The following NUP210L variants were observed in gnomAD, a reference collection of about 807,000 sequenced individuals.
NUP210L encodes the protein nuclear pore membrane glycoprotein 210-like.
NUP210L carries 74 observed loss-of-function variants against 208.5 expected under a neutral mutation model. The observed-to-expected ratio is 0.35, with a 90% confidence interval of 0.29 to 0.43. The LOEUF is 0.43. Ranked by LOEUF, NUP210L falls within the 20% of genes least tolerant of loss-of-function variation. NUP210L has a pLI of 1.00. For synonymous variants in NUP210L, 780 were observed against 816.9 expected, an observed-to-expected ratio of 0.95 and a Z score of 0.77; for missense variants, 1,843 against 2,289.4, an observed-to-expected ratio of 0.81 and a Z score of 3.98.
At chr1:154,031,841 C>A (rs757462233) in intron 27 of NUP210L, among the ~76,000 whole-genome samples, 1 of 151,924 alleles carries the variant, frequency 6.6e-6, no homozygotes, top group Admixed American at 6.6e-5. Flanking sequence ...CCTGCCTCAG[C>A]CTCTCAAGTA....
intron 37 of NUP210L, among the ~76,000 whole-genome samples, chr1:154,000,642 G>C (rs1650155864): frequency 6.6e-6 from 1 of 152,194 alleles, no homozygotes; most frequent in South Asian, 2.1e-4. Context: ...ATTCATGGTT[G>C]GGGACCAGAG....
intron 16 of NUP210L, among the ~76,000 whole-genome samples, chr1:154,081,309 A>T (rs1044948467): frequency 1.4e-4 from 22 of 152,122 alleles, no homozygotes; most frequent in African/African-American, 3.9e-4. Context: ...GACAAAACAG[A>T]CTTTAATACA....
chr1:154,134,560 A>AC (rs1220281728), intron 7 of NUP210L, among the ~76,000 whole-genome samples: 6 of 150,326 alleles, frequency 4.0e-5, no homozygotes, highest in African/African-American at 1.2e-4. Flanking sequence ...ACACAGTGAA[A>AC]CCCCGTCTCT....
intron 5 of NUP210L, among the ~76,000 whole-genome samples, chr1:154,138,669 C>A: frequency 6.6e-6 from 1 of 152,122 alleles, no homozygotes; most frequent in Non-Finnish European, 1.5e-5. Context: ...AGGCTTCTCT[C>A]TAGGAGGTCC....
At chr1:154,065,913 A>G (rs1654389309) in intron 17 of NUP210L, among the ~76,000 whole-genome samples, 1 of 151,028 alleles carries the variant, frequency 6.6e-6, no homozygotes, top group African/African-American at 2.4e-5. Context: ...AAAAAAAAAA[A>G]AAAAAGAAAG....
chr1:154,120,895 C>CAAAA (rs34261242), intron 10 of NUP210L, among the ~76,000 whole-genome samples: 2 of 82,208 alleles, frequency 2.4e-5, no homozygotes, highest in East Asian at 3.2e-4. Context: ...GACTCTGTCT[C>CAAAA]AAAAAAAAAA....
exon 32 of NUP210L, chr1:154,022,339 C>T: frequency 4.3e-6 from 7 of 1,612,234 alleles, no homozygotes; most frequent in Non-Finnish European, 5.9e-6. Flanking sequence ...TGCAGCAAGT[C>T]ATCTCTGCAA....
At chr1:154,061,519 C>G (rs577722577) in intron 18 of NUP210L, 67 bp downstream of exon 18, 1 of 994,686 alleles carries the variant, frequency 1.0e-6, no homozygotes, top group East Asian at 2.6e-5. Flanking sequence ...AGTTGTACAA[C>G]TTTTAAAGAA....
At chr1:154,099,638 C>G (rs1011161780) in intron 14 of NUP210L, among the ~76,000 whole-genome samples, 1 of 152,184 alleles carries the variant, frequency 6.6e-6, no homozygotes, top group African/African-American at 2.4e-5. Flanking sequence ...AATATACTAA[C>G]TTCGGTATTT....
At chr1:154,100,520 T>G (rs1299859089) in intron 13 of NUP210L, among the ~76,000 whole-genome samples, 3 of 141,132 alleles carry the variant, frequency 2.1e-5, no homozygotes, top group African/African-American at 2.6e-5. Flanking sequence ...GCTTTGTTTT[T>G]TTTTTTTTTT....
chr1:154,130,854 G>C (rs1193339968), intron 7 of NUP210L, among the ~76,000 whole-genome samples: 1 of 151,940 alleles, frequency 6.6e-6, no homozygotes, highest in Non-Finnish European at 1.5e-5. Flanking sequence ...CAAAGTGCTG[G>C]GGTTACATGC....
intron 16 of NUP210L, among the ~76,000 whole-genome samples, chr1:154,086,500 T>G (rs1257116649): frequency 1.3e-5 from 2 of 152,096 alleles, no homozygotes; most frequent in Non-Finnish European, 2.9e-5. Context: ...AAAACTTTTG[T>G]GCTTCAAAAG....
intron 35 of NUP210L, among the ~76,000 whole-genome samples, chr1:154,009,458 A>G (rs1347439804): frequency 6.6e-6 from 1 of 151,988 alleles, no homozygotes. Flanking sequence ...ATAATAGAAA[A>G]GCACAGGATA....
chr1:154,060,832 T>A (rs1654095447), intron 19 of NUP210L, 110 bp downstream of exon 19: 11 of 800,256 alleles, frequency 1.4e-5, no homozygotes, highest in Middle Eastern at 2.6e-4. Context: ...TTTACATATA[T>A]GTATCAATTA....
At position 154,000,704 on chromosome 1, in the gene NUP210L, C is replaced by T. The variant is rs1428253358; in HGVS notation, c.5386+152G>A. ...TATTTGGAACAGTGCACAATTTAAA[C>T]TGTTTATTTCAGGAGTTTTTCATTT... On this transcript the variant is annotated intron_variant, in intron 37 of 39. Coordinates refer to ENST00000368559, the Ensembl canonical transcript of NUP210L. 36 of 661,346 alleles carry T rather than the reference C, an allele frequency of 5.4e-5. No homozygotes were observed. In the Admixed American group the frequency reaches 9.4e-4, roughly 17 times the overall value. The allele number at this position is 661,346 out of a possible 1,614,324, so 41.0% of individuals were successfully genotyped here. A position where few individuals can be genotyped will look rare whatever the true frequency, so the allele number is the denominator to read the frequency against.
At chr1:154,050,095 A>C (rs1240987636) in intron 25 of NUP210L, among the ~76,000 whole-genome samples, 7 of 152,144 alleles carry the variant, frequency 4.6e-5, no homozygotes, top group Non-Finnish European at 7.4e-5. Context: ...GATTTCTTGC[A>C]CTGGTTTAAT....
intron 28 of NUP210L, 129 bp downstream of exon 28, chr1:154,029,767 C>T (rs113025490): frequency 2.9e-5 from 20 of 701,006 alleles, no homozygotes; most frequent in African/African-American, 1.7e-4. Flanking sequence ...CTAGGAAGTA[C>T]AAACCTGTTC....
In NUP210L at chr1:154,021,114, G is replaced by T. The variant is rs571439211; in HGVS notation, c.4516+1012C>A. Among the ~76,000 whole-genome samples the T allele has an allele frequency of 5.4e-3, 823 of 151,298 alleles. 3 individuals are homozygous for T. The highest frequency in any genetic ancestry group is 8.8e-3 in the Admixed American group (134 of 15,146). ...GTGCCACCATGCACAGCTAATTTTT[G>T]TATTTTTAGTAGAGATGGGGTTTCA... is the stretch of plus-strand genomic sequence containing the variant. On this transcript the variant is annotated intron_variant, in intron 32 of 39. Transcript: ENST00000368559.
chr1:154,133,161 A>G (rs543071137), intron 7 of NUP210L, among the ~76,000 whole-genome samples: 5 of 152,308 alleles, frequency 3.3e-5, no homozygotes, highest in East Asian at 3.9e-4. Context: ...CCTACTTCAG[A>G]ACCTTTGCCA....
Sources: gnomAD v4.1 joint callset for allele counts (sites outside exome capture counted in the v4.1 genomes callset) on GRCh38, gnomAD v4.1.1 for gene constraint, MANE v1.5 for transcripts, NCBI Gene and HGNC (gene_info 2026-07-23, HGNC 2026-07-21) for gene names.